TPH1: variants seen among roughly 807,000 people sequenced by gnomAD.
TPH1 encodes tryptophan hydroxylase 1.
In TPH1, 37 loss-of-function variants were observed where a neutral mutation model predicts 49.5. The observed-to-expected ratio is 0.75, with a 90% confidence interval of 0.58 to 0.98. TPH1 has a LOEUF of 0.98. TPH1 is among the 50% of genes least tolerant of loss of function. TPH1 has a pLI of 0.00. For synonymous variants in TPH1, 160 were observed against 182.1 expected (o/e 0.88, Z 0.98); for missense variants, 487 against 523.6 (o/e 0.93, Z 0.68).
In TPH1 at chr11:18,026,498, G is replaced by A; in HGVS notation, c.795C>T (p.Thr265=). The A allele has an allele frequency of 6.2e-7, 1 of 1,613,750 alleles. No individual in the cohort carries two copies. Residue 265 remains threonine (T), a synonymous_variant, in exon 7 of 11, where the codon ACC becomes ACT. Coordinates refer to ENST00000682019, the MANE Select transcript of TPH1 (RefSeq NM_004179.3). ...YVRHSSDPFY[T]PEPDTCHELL... ...GAAATAGAAGTACTTACGGCTCTGG[G>A]GTATAGAAGGGATCTGAACTGTGTC...
rs1564858256 is a variant in TPH1 at position 18,033,315 on chromosome 11, T to C, written c.361A>G (p.Arg121Gly). ...AGTTCAGATCCATACATCAGAACTC[T>C]GTTGGCACAATGGTCCAGGTCAGAA... ...KISDLDHCAN[R>G]VLMYGSELDA... The change falls in exon 4 of 11, where the codon AGA becomes GGA. Residue 121 changes from arginine (R) to glycine (G), a missense_variant. Coordinates refer to ENST00000682019, the MANE Select transcript of TPH1 (RefSeq NM_004179.3). 1.9e-6 allele frequency: 3 copies of C among 1,614,016 alleles called. No homozygotes were observed. Among genetic ancestry groups the C allele is most frequent in the Non-Finnish European group, 2.5e-6 (3 of 1,180,010 alleles).
Position 18,026,485 on chromosome 11 carries a change from C to T in TPH1, c.803+5G>A. On this transcript the variant is annotated splice_donor_5th_base_variant and intron_variant, in intron 7 of 10. Coordinates refer to ENST00000682019, the MANE Select transcript of TPH1 (RefSeq NM_004179.3). ...TGAATTCCTGGCTGAAATAGAAGTA[C>T]TTACGGCTCTGGGGTATAGAAGGGA... 1 of 1,519,412 alleles carries T rather than the reference C, an allele frequency of 6.6e-7. No homozygotes were observed. The highest frequency in any genetic ancestry group is 2.7e-5 in the East Asian group (1 of 37,214). The allele number at this position is 1,519,412 out of a possible 1,614,324, so 94.1% of individuals were successfully genotyped here. A position where few individuals can be genotyped will look rare whatever the true frequency, so the allele number is the denominator to read the frequency against.
intron 9 of TPH1, 113 bp from the exon 10 acceptor site, chr11:18,023,044 A>G (rs1286774457): frequency 2.6e-6 from 3 of 1,148,938 alleles, no homozygotes; most frequent in Admixed American, 2.0e-5. Context: ...GCCCCAATCT[A>G]CAATTCCAAA....
rs1226924965 is a variant in TPH1, at chr11:18,035,146, T to C, written c.301+813A>G. On this transcript the variant is annotated intron_variant, in intron 3 of 10. Transcript: ENST00000682019. The stretch of plus-strand genomic sequence containing the variant: ...CAGGCCACGGACGAGTCCCCTGCTA[T>C]ACATATTGTGTGTCATTTCATAGTT... Among the ~76,000 whole-genome samples the C allele has an allele frequency of 2.6e-5, 4 of 152,236 alleles. No individual in the cohort carries two copies. The East Asian group carries it at 7.7e-4, about 29-fold the overall frequency.
At chr11:18,022,298 A>G (rs879585580) in intron 10 of TPH1, among the ~76,000 whole-genome samples, 2 of 152,192 alleles carry the variant, frequency 1.3e-5, no homozygotes, top group Non-Finnish European at 2.9e-5. Flanking sequence ...CATTGTACAT[A>G]TCTCCTATAT....
In TPH1 at chr11:18,029,279, A is replaced by G. The variant is rs1200563804; in HGVS notation, c.553T>C (p.Tyr185His). Residue 185 changes from tyrosine to histidine, a missense_variant, in exon 6 of 11, where the codon TAC becomes CAC. Transcript: ENST00000682019. Reference protein sequence around the residue: ...GTVFQELNKLYPTHACREYLK... With the variant: ...GTVFQELNKLHPTHACREYLK... ...TACTCTCTGCAAGCATGGGTTGGGT[A>G]GAGTTTGTTGAGCTCTTGGAATACG... The G allele has an allele frequency of 3.1e-6, 5 of 1,613,980 alleles. No individual in the cohort carries two copies. Among genetic ancestry groups the G allele is most frequent in the Non-Finnish European group, 4.2e-6 (5 of 1,179,880 alleles).
intron 3 of TPH1, among the ~76,000 whole-genome samples, chr11:18,035,007 C>T (rs1848029784): frequency 6.6e-6 from 1 of 152,212 alleles, no homozygotes; most frequent in Admixed American, 6.5e-5. Context: ...AAGCACACAA[C>T]CTAGATCCCT....
At position 18,036,158 on chromosome 11, in the gene TPH1, G is replaced by A. The variant is rs754563796; in HGVS notation, c.118-16C>T. On this transcript the variant is annotated splice_polypyrimidine_tract_variant and intron_variant, in intron 2 of 10. Transcript: ENST00000682019. ...CATGCTTCTCCTGTGTAAAGCACAG[G>A]GAAAAGATTTCATGTAACTGCCTCA... The A allele has an allele frequency of 1.7e-5, 28 of 1,605,098 alleles. No individual in the cohort carries two copies. The highest frequency in any genetic ancestry group is 2.3e-5 in the Non-Finnish European group (27 of 1,173,642).
At chr11:18,026,437 C>T in intron 7 of TPH1, 53 bp downstream of exon 7, 1 of 1,403,924 alleles carries the variant, frequency 7.1e-7, no homozygotes, top group South Asian at 1.2e-5. Flanking sequence ...AGGTAGATGC[C>T]ATTATTATAA....
At chr11:18,027,686 A>C (rs966035287) in intron 6 of TPH1, among the ~76,000 whole-genome samples, 2 of 152,220 alleles carry the variant, frequency 1.3e-5, no homozygotes, top group Non-Finnish European at 2.9e-5. Flanking sequence ...TTTTGTGTGC[A>C]TTACAAAGCG....
At chr11:18,022,110 A>C (rs1854370323) in intron 10 of TPH1, among the ~76,000 whole-genome samples, 1 of 152,136 alleles carries the variant, frequency 6.6e-6, no homozygotes, top group South Asian at 2.1e-4. Context: ...GCTTCCACTA[A>C]ATGTTGTCTC....
At position 18,026,697 on chromosome 11, in the gene TPH1, C is replaced by A. The variant is rs978513933; in HGVS notation, c.668-72G>T. 3.8e-6 allele frequency: 6 copies of A among 1,581,284 alleles called. No individual in the cohort carries two copies. The African/African-American group carries it at 6.8e-5, about 18-fold the overall frequency. On this transcript the variant is annotated intron_variant, in intron 6 of 10. Transcript: ENST00000682019. The stretch of plus-strand genomic sequence containing the variant: ...CCCTGACTGCAGCATTTTAGTTCTG[C>A]TAGTGGCACCAAGTAACACGTTGAT...
intron 8 of TPH1, among the ~76,000 whole-genome samples, chr11:18,024,804 C>A (rs542692083): frequency 6.6e-6 from 1 of 152,284 alleles, no homozygotes; most frequent in African/African-American, 2.4e-5. Context: ...TTTCACGCTG[C>A]CTCCCTCACT....
chr11:18,023,072 T>G, intron 9 of TPH1, 141 bp from the exon 10 acceptor site: 21 of 922,586 alleles, frequency 2.3e-5, no homozygotes, highest in Non-Finnish European at 3.0e-5. Flanking sequence ...CCTATAGCTC[T>G]ATTCAACCCA....
intron 6 of TPH1, among the ~76,000 whole-genome samples, chr11:18,027,856 T>A (rs918225170): frequency 6.6e-6 from 1 of 152,242 alleles, no homozygotes; most frequent in Non-Finnish European, 1.5e-5. Context: ...CATAATTTCT[T>A]CCCTTGTAGA....
At chr11:18,027,485 T>C (rs561415521) in intron 6 of TPH1, among the ~76,000 whole-genome samples, 1 of 152,394 alleles carries the variant, frequency 6.6e-6, no homozygotes, top group East Asian at 1.9e-4. Flanking sequence ...ACATTTATTT[T>C]AGTTATTTAA....
rs1459559380 is a variant in TPH1, at chr11:18,035,981, A to G, written c.279T>C (p.Asp93=). 3.1e-6 allele frequency: 5 copies of G among 1,612,056 alleles called. 1 individual carries two copies. In the South Asian group the frequency reaches 3.3e-5, roughly 11 times the overall value. Residue 93 remains aspartate, a synonymous_variant, in exon 3 of 11, where the codon GAT becomes GAC. Coordinates refer to ENST00000682019, the MANE Select transcript of TPH1 (RefSeq NM_004179.3). Reference sequence around the variant, plus strand: ...TACCATCTTCCTTCAAAGTAAAATTATCTGGTAGATTCACAGAGAGAACAT... The same window carrying G: ...TACCATCTTCCTTCAAAGTAAAATTGTCTGGTAGATTCACAGAGAGAACAT... ...HTNVLSVNLP[D]NFTLKEDGME... is the part of the protein sequence containing the mutation.
intron 4 of TPH1, among the ~76,000 whole-genome samples, chr11:18,031,141 C>A (rs529186888): frequency 6.6e-6 from 1 of 152,164 alleles, no homozygotes; most frequent in East Asian, 1.9e-4. Flanking sequence ...CTCCTCAGCT[C>A]CTGGCAACCA....
rs1847962386 is a variant in TPH1, at chr11:18,029,469, T to C, written c.470+43A>G. The C allele has an allele frequency of 2.5e-6, 4 of 1,569,452 alleles. No homozygotes were observed. The South Asian group carries it at 3.4e-5, about 13-fold the overall frequency. ...AACACAATTTATTCTATTCACTTAT[T>C]TTATTATCTCAAAGTTGACTATATT... On this transcript the variant is annotated intron_variant, in intron 5 of 10. Transcript: ENST00000682019.
Sources: allele counts gnomAD v4.1 joint callset (sites outside exome capture counted in the v4.1 genomes callset), GRCh38; gene constraint gnomAD v4.1.1; transcripts MANE v1.5; gene names NCBI Gene and HGNC (gene_info 2026-07-23, HGNC 2026-07-21).